The following GIGYF2 variants were observed in gnomAD, a reference collection of about 807,000 sequenced individuals.
GIGYF2 encodes GRB10-interacting GYF protein 2.
Under a neutral mutation model 208.1 loss-of-function variants are expected in GIGYF2, and 25 were observed. The ratio of observed to expected loss-of-function variants is 0.12; its 90% CI spans 0.09 to 0.17. GIGYF2 has a LOEUF of 0.17. Ranked by LOEUF, GIGYF2 falls within the 10% of genes least tolerant of loss-of-function variation. The probability of loss-of-function intolerance (pLI) is 1.00; values close to 1 mark genes in which losing one functional copy is unlikely to be tolerated. For synonymous variants in GIGYF2, 534 were observed against 543.8 expected, an observed-to-expected ratio of 0.98 and a Z score of 0.25; for missense variants, 1,302 against 1,579.4, an observed-to-expected ratio of 0.82 and a Z score of 2.98.
chr2:232,776,611 G>C, intron 8 of GIGYF2: 1 of 662,710 alleles, frequency 1.5e-6, no homozygotes, highest in South Asian at 1.7e-5. Flanking sequence ...GTGGGGGCTG[G>C]TTTCAGCTGA....
At chr2:232,785,201 C>T (rs1033283689) in intron 8 of GIGYF2, among the ~76,000 whole-genome samples, 2 of 152,090 alleles carry the variant, frequency 1.3e-5, no homozygotes, top group Non-Finnish European at 2.9e-5. Flanking sequence ...CAGACACGTC[C>T]TGCAGGTAAG....
intron 8 of GIGYF2, among the ~76,000 whole-genome samples, chr2:232,778,423 G>C (rs1699603953): frequency 6.6e-6 from 1 of 152,134 alleles, no homozygotes; most frequent in African/African-American, 2.4e-5. Flanking sequence ...TCTTGCTATG[G>C]TCTATAAACA....
chr2:232,715,873 A>G (rs1377380778), intron 2 of GIGYF2, among the ~76,000 whole-genome samples: 1 of 151,504 alleles, frequency 6.6e-6, no homozygotes. Context: ...TAAAGTTGAA[A>G]TGAGTGATAA....
intron 21 of GIGYF2, among the ~76,000 whole-genome samples, chr2:232,827,856 A>T (rs1180596409): frequency 6.6e-6 from 1 of 152,220 alleles, no homozygotes; most frequent in Admixed American, 6.5e-5. Context: ...ATTACGTGTC[A>T]CACTTTTTAG....
intron 21 of GIGYF2, among the ~76,000 whole-genome samples, chr2:232,826,234 G>C (rs545615668): frequency 6.6e-6 from 1 of 152,084 alleles, no homozygotes; most frequent in African/African-American, 2.4e-5. Flanking sequence ...GGGATCGCTG[G>C]GTCAAATAGT....
At position 232,857,086 on chromosome 2, in the gene GIGYF2, G is replaced by C. The variant is rs914478696; in HGVS notation, c.*226G>C. ...TAAGTGGACTGGACCCTGTGTCTTG[G>C]GGGTGGCAGTTGGGATTACTCCCCA... On this transcript the variant is annotated 3_prime_UTR_variant, in exon 29 of 29. Transcript: ENST00000373563. 8 of 584,344 alleles carry C rather than the reference G, an allele frequency of 1.4e-5. No individual in the cohort carries two copies. Among genetic ancestry groups the C allele is most frequent in the Non-Finnish European group, 2.5e-5 (8 of 325,866 alleles). The allele number at this position is 584,344 out of a possible 1,614,324, so 36.2% of individuals were successfully genotyped here.
intron 14 of GIGYF2, among the ~76,000 whole-genome samples, chr2:232,798,965 C>A (rs1433400176): frequency 6.7e-6 from 1 of 149,978 alleles, no homozygotes; most frequent in Non-Finnish European, 1.5e-5. Flanking sequence ...TTACCATTGC[C>A]AGGGACTGGA....
chr2:232,756,908 A>T (rs530249236), intron 6 of GIGYF2, among the ~76,000 whole-genome samples: 1 of 152,082 alleles, frequency 6.6e-6, no homozygotes, highest in Non-Finnish European at 1.5e-5. Context: ...TCTGCCCCCT[A>T]TTTTGGGTTT....
At chr2:232,760,126 G>T in intron 6 of GIGYF2, 1 of 164,608 alleles carries the variant, frequency 6.1e-6, no homozygotes, top group East Asian at 1.7e-4. Flanking sequence ...CCATTTTTAT[G>T]AAAATAAAAC....
chr2:232,721,176 G>A (rs957288656), intron 2 of GIGYF2, among the ~76,000 whole-genome samples: 1 of 152,134 alleles, frequency 6.6e-6, no homozygotes, highest in Non-Finnish European at 1.5e-5. Context: ...GAGATGTGAG[G>A]ACAAGTTCTC....
intron 28 of GIGYF2, among the ~76,000 whole-genome samples, chr2:232,853,585 T>A (rs1342574348): frequency 6.6e-6 from 1 of 152,242 alleles, no homozygotes; most frequent in Admixed American, 6.5e-5. Flanking sequence ...CTTCCTCTTT[T>A]TTTAGAGCTC....
At chr2:232,833,722 A>G (rs1044971096) in intron 22 of GIGYF2, among the ~76,000 whole-genome samples, 1 of 152,246 alleles carries the variant, frequency 6.6e-6, no homozygotes, top group Non-Finnish European at 1.5e-5. Context: ...AGTTGCTCCC[A>G]GAGAGCTCAC....
intron 5 of GIGYF2, among the ~76,000 whole-genome samples, chr2:232,749,483 CT>C: frequency 6.6e-6 from 1 of 151,972 alleles, no homozygotes; most frequent in East Asian, 1.9e-4. Context: ...ATTCAAAACT[CT>C]TCTGTCACCA....
At chr2:232,852,915 T>A (rs1690415159) in intron 28 of GIGYF2, among the ~76,000 whole-genome samples, 1 of 152,174 alleles carries the variant, frequency 6.6e-6, no homozygotes, top group Non-Finnish European at 1.5e-5. Flanking sequence ...AGGAAGGGAC[T>A]TTAAAAACCT....
intron 8 of GIGYF2, among the ~76,000 whole-genome samples, chr2:232,783,963 C>G (rs1699810996): frequency 6.6e-6 from 1 of 152,352 alleles, no homozygotes; most frequent in East Asian, 1.9e-4. Context: ...GCAGGGATTA[C>G]AGGCGTGAGC....
At chr2:232,816,302 G>C (rs992564465) in intron 19 of GIGYF2, among the ~76,000 whole-genome samples, 2 of 152,166 alleles carry the variant, frequency 1.3e-5, no homozygotes, top group South Asian at 4.1e-4. Flanking sequence ...GTTCTCAGGC[G>C]TACAAGAGAG....
At chr2:232,836,310 ATATATATATATATATATAT>A (rs1701614802) in intron 22 of GIGYF2, among the ~76,000 whole-genome samples, 1 of 20,644 alleles carries the variant, frequency 4.8e-5, no homozygotes, top group Non-Finnish European at 1.1e-4. Flanking sequence ...ATATATATAT[ATATATATATATATATATAT>A]ACATATATAT....
intron 28 of GIGYF2, among the ~76,000 whole-genome samples, chr2:232,851,610 G>T (rs533922977): frequency 6.6e-6 from 1 of 152,040 alleles, no homozygotes; most frequent in Non-Finnish European, 1.5e-5. Flanking sequence ...AGTAGAGAGG[G>T]GTTTTTGCCA....
At chr2:232,820,360 G>T (rs1277183878) in intron 21 of GIGYF2, among the ~76,000 whole-genome samples, 1 of 144,778 alleles carries the variant, frequency 6.9e-6, no homozygotes, top group East Asian at 2.0e-4. Context: ...TGTCGCCCAG[G>T]CTGGAGTGCA....
Sources: gnomAD v4.1 joint callset for allele counts (sites outside exome capture counted in the v4.1 genomes callset) on GRCh38, gnomAD v4.1.1 for gene constraint, MANE v1.5 for transcripts, NCBI Gene and HGNC (gene_info 2026-07-23, HGNC 2026-07-21) for gene names.